TECPR2: variants seen among roughly 807,000 people sequenced by gnomAD.
TECPR2 encodes tectonin beta-propeller repeat containing 2.
Under a neutral mutation model 138.1 loss-of-function variants are expected in TECPR2, and 65 were observed. That is an observed-to-expected ratio of 0.47 (90% CI 0.39 to 0.58). TECPR2 has a LOEUF of 0.58. Ranked by LOEUF, TECPR2 falls within the 20% of genes least tolerant of loss-of-function variation. The pLI, the probability that TECPR2 is intolerant of heterozygous loss-of-function variation, is 0.00. For synonymous variants in TECPR2, 746 were observed against 749.8 expected (o/e 0.99, Z 0.08); for missense variants, 1,553 against 1,824.5 (o/e 0.85, Z 2.71).
chr14:102,411,049 A>G (rs1337195501), intron 4 of TECPR2, among the ~76,000 whole-genome samples: 1 of 152,208 alleles, frequency 6.6e-6, no homozygotes, highest in Non-Finnish European at 1.5e-5. Flanking sequence ...GGCCATCATC[A>G]ATCATTCTAT....
chr14:102,397,372 C>A (rs1231757854), intron 2 of TECPR2, among the ~76,000 whole-genome samples: 4 of 151,718 alleles, frequency 2.6e-5, no homozygotes, highest in African/African-American at 9.7e-5. Context: ...AAAAAAAAAA[C>A]AACTGAAACT....
Position 102,457,359 on chromosome 14 carries a change from A to C in TECPR2, c.3640+4732A>C, listed in dbSNP as rs1440102696. Among the ~76,000 whole-genome samples the C allele has an allele frequency of 5.9e-5, 9 of 152,298 alleles. No individual in the cohort carries two copies. The East Asian group carries it at 1.7e-3, about 29-fold the overall frequency. ...CTTGGCCTCCCAAAGTGCTGGGATTACAGGTGTGAGCCACTGCGCCTGACC... is the reference window on the plus strand; with the variant it reads ...CTTGGCCTCCCAAAGTGCTGGGATTCCAGGTGTGAGCCACTGCGCCTGACC... On this transcript the variant is annotated intron_variant, in intron 16 of 19. Transcript: ENST00000359520.
chr14:102,369,135 C>T (rs1009507083), intron 1 of TECPR2, among the ~76,000 whole-genome samples: 1 of 151,906 alleles, frequency 6.6e-6, no homozygotes, highest in Admixed American at 6.6e-5. Context: ...TTTGTAATAC[C>T]CACTAAGACC....
At chr14:102,465,478 A>T (rs1476935349) in intron 17 of TECPR2, 189 bp downstream of exon 17, 4 of 1,395,636 alleles carry the variant, frequency 2.9e-6, no homozygotes, top group Non-Finnish European at 3.7e-6. Context: ...TGAAGTTTAG[A>T]GCTGAACAGA....
intron 2 of TECPR2, among the ~76,000 whole-genome samples, chr14:102,398,361 C>T (rs1381012949): frequency 6.6e-6 from 1 of 151,960 alleles, no homozygotes; most frequent in African/African-American, 2.4e-5. Flanking sequence ...GGGTCATCAT[C>T]AAAGAGACTA....
chr14:102,477,934 C>CAAAAA (rs1188082616), intron 17 of TECPR2, among the ~76,000 whole-genome samples: 3 of 44,624 alleles, frequency 6.7e-5, no homozygotes, highest in African/African-American at 2.7e-4. Flanking sequence ...GACTCCGTCT[C>CAAAAA]AAAAAAAAAA....
At chr14:102,449,574 G>A (rs1890083110) in intron 13 of TECPR2, 55 bp from the exon 14 acceptor site, 1 of 1,605,288 alleles carries the variant, frequency 6.2e-7, no homozygotes, top group Admixed American at 1.7e-5. Flanking sequence ...AAGGCAGAGA[G>A]TCTACACTTG....
At chr14:102,384,210 C>T (rs1280216770) in intron 2 of TECPR2, among the ~76,000 whole-genome samples, 1 of 151,972 alleles carries the variant, frequency 6.6e-6, no homozygotes, top group African/African-American at 2.4e-5. Flanking sequence ...TGAGCCACTG[C>T]ATCCGGCCGG....
In TECPR2 at chr14:102,471,401, C is replaced by A. The variant is rs1161203295; in HGVS notation, c.3789+6112C>A. Among the ~76,000 whole-genome samples the A allele has an allele frequency of 5.3e-5, 8 of 152,164 alleles. No homozygotes were observed. In the East Asian group the frequency reaches 1.5e-3, roughly 29 times the overall value. Reference sequence around the variant, plus strand: ...TGTGAAATTGGTAGTAATGTCTCCTCTTTCTGATTTTATAATTTGAATTGG... The same window carrying A: ...TGTGAAATTGGTAGTAATGTCTCCTATTTCTGATTTTATAATTTGAATTGG... On this transcript the variant is annotated intron_variant, in intron 17 of 19. Transcript: ENST00000359520.
At position 102,457,556 on chromosome 14, in the gene TECPR2, T is replaced by C. The variant is rs571042574; in HGVS notation, c.3640+4929T>C. Among the ~76,000 whole-genome samples, 12 of 152,284 alleles carry C rather than the reference T, an allele frequency of 7.9e-5. 1 individual carries two copies. Among genetic ancestry groups the C allele is most frequent in the African/African-American group, 2.9e-4 (12 of 41,550 alleles). ...ATCAAGCTGACATGGCTGCTGCCTG[T>C]GTTACTTATCTGGAATTAATTGGGG... On this transcript the variant is annotated intron_variant, in intron 16 of 19. Transcript: ENST00000359520.
intron 13 of TECPR2, among the ~76,000 whole-genome samples, chr14:102,448,105 T>C (rs894947523): frequency 6.6e-6 from 1 of 152,104 alleles, no homozygotes; most frequent in Admixed American, 6.5e-5. Flanking sequence ...ACCATATATA[T>C]ACATATACAT....
At chr14:102,438,473 GA>G in intron 10 of TECPR2, 2 of 379,144 alleles carry the variant, frequency 5.3e-6, no homozygotes, top group Non-Finnish European at 4.7e-6. Context: ...GGTAAGCTCT[GA>G]TCGTATTTTT....
In TECPR2 at chr14:102,440,429, T is replaced by G. The variant is rs754507723; in HGVS notation, c.2579-7T>G. ...TTGGACAGTGAATAGAATTTTTATT[T>G]CCATAGGAGCCCTTCTCTGGAAGAT... is the stretch of plus-strand genomic sequence containing the variant. On this transcript the variant is annotated splice_polypyrimidine_tract_variant and splice_region_variant and intron_variant, in intron 10 of 19. Transcript: ENST00000359520. 1.2e-6 allele frequency: 2 copies of G among 1,613,240 alleles called. No homozygotes were observed. Among genetic ancestry groups the G allele is most frequent in the Non-Finnish European group, 8.5e-7 (1 of 1,179,726 alleles).
chr14:102,498,221 C>T lies in TECPR2; in HGVS notation c.4200C>T (p.His1400=), dbSNP rs1474309896. Reference sequence around the variant, plus strand: ...AGAGCAGCCAGGCCGCCATGCCCCACCCTGAGGACCTGGAGGACGAGTGGG... The same window carrying T: ...AGAGCAGCCAGGCCGCCATGCCCCATCCTGAGGACCTGGAGGACGAGTGGG... ...TQKSSQAAMP[H]PEDLEDEWEV... Residue 1400 remains histidine (H), a synonymous_variant, in exon 20 of 20, where the codon CAC becomes CAT. Coordinates refer to ENST00000359520, the MANE Select transcript of TECPR2 (RefSeq NM_014844.5). The T allele has an allele frequency of 6.2e-7, 1 of 1,606,406 alleles. No individual in the cohort carries two copies. The highest frequency in any genetic ancestry group is 8.5e-7 in the Non-Finnish European group (1 of 1,179,964).
intron 2 of TECPR2, among the ~76,000 whole-genome samples, chr14:102,394,774 T>G (rs1288962481): frequency 2.6e-5 from 4 of 152,248 alleles, no homozygotes; most frequent in African/African-American, 9.6e-5. Flanking sequence ...GCTGCTGTCC[T>G]GTTTTCTTTG....
chr14:102,461,357 TAACA>T (rs1328424345), intron 16 of TECPR2, among the ~76,000 whole-genome samples: 2 of 152,200 alleles, frequency 1.3e-5, no homozygotes, highest in Admixed American at 6.5e-5. Context: ...TGCCGTTAGG[TAACA>T]AACAGGATTG....
In TECPR2 at chr14:102,497,030, C is replaced by T; in HGVS notation, c.3841C>T (p.Leu1281=). 1 of 1,614,060 alleles carries T rather than the reference C, an allele frequency of 6.2e-7. No individual in the cohort carries two copies. Among genetic ancestry groups the T allele is most frequent in the Non-Finnish European group, 8.5e-7 (1 of 1,180,020 alleles). ...SVHSSPNDQM[L]WVLDSRWNVH... ...CCATTCCAGCCCCAACGACCAGATG[C>T]TGTGGGTGCTTGACAGCAGGTGGAA... The change falls in exon 18 of 20, where the codon CTG becomes TTG. Residue 1281 remains leucine, a synonymous_variant. Transcript: ENST00000359520.
intron 2 of TECPR2, among the ~76,000 whole-genome samples, chr14:102,378,110 G>T (rs998123885): frequency 1.3e-5 from 2 of 152,192 alleles, no homozygotes; most frequent in African/African-American, 4.8e-5. Flanking sequence ...TATTGAGTAC[G>T]TCACTTTTGT....
At chr14:102,487,151 C>T (rs1319966020) in intron 17 of TECPR2, among the ~76,000 whole-genome samples, 1 of 152,174 alleles carries the variant, frequency 6.6e-6, no homozygotes, top group African/African-American at 2.4e-5. Context: ...AAAGAAAAGG[C>T]AGTGTGGAAA....
Sources: allele counts gnomAD v4.1 joint callset (sites outside exome capture counted in the v4.1 genomes callset), GRCh38; gene constraint gnomAD v4.1.1; transcripts MANE v1.5; gene names NCBI Gene and HGNC (gene_info 2026-07-23, HGNC 2026-07-21).